Variants in NPHP1 observed in about 807,000 individuals in gnomAD.
NPHP1 encodes nephrocystin-1.
NPHP1 carries 70 observed loss-of-function variants against 90.4 expected under a neutral mutation model. That is an observed-to-expected ratio of 0.77 (90% CI 0.64 to 0.95). NPHP1 has a LOEUF of 0.95. Among genes scored for constraint, NPHP1 ranks in the 40% least tolerant of loss-of-function variants. The pLI is 0.00. For synonymous variants in NPHP1, 256 were observed against 271.7 expected, an observed-to-expected ratio of 0.94 and a Z score of 0.57; for missense variants, 764 against 795.9, an observed-to-expected ratio of 0.96 and a Z score of 0.48.
chr2:110,139,893 G>T (rs1680504483), intron 16 of NPHP1, among the ~76,000 whole-genome samples: 2 of 152,142 alleles, frequency 1.3e-5, no homozygotes, highest in East Asian at 3.9e-4. Flanking sequence ...TTCGGGTCAG[G>T]GGAGGAGAGA....
chr2:110,146,820 C>A lies in NPHP1; in HGVS notation c.1285G>T (p.Gly429Ter). The A allele has an allele frequency of 1.2e-6, 2 of 1,613,120 alleles. No homozygotes were observed. The highest frequency in any genetic ancestry group is 1.7e-6 in the Non-Finnish European group (2 of 1,179,104). The change falls in exon 14 of 20, where the codon GGA becomes TGA. Residue 429 changes from glycine (G) to a stop codon, truncating the protein, a stop_gained. Transcript: ENST00000445609. LOFTEE classifies it high-confidence loss of function. ...AACACCCAGCCACAGCTTAACTCTC[C>A]TCTTTCACCAGTTGACTAGGAAATA... ...SYIRNSTGER[G>*]ELSCGWVFLK...
chr2:110,131,709 G>C lies in NPHP1; in HGVS notation c.1612C>G (p.Leu538Val), dbSNP rs1679790572. Residue 538 changes from leucine (L) to valine (V), a missense_variant, in exon 17 of 20, where the codon CTG becomes GTG. By Grantham distance (32) the Leu-to-Val change is conservative. Coordinates refer to ENST00000445609, the MANE Select transcript of NPHP1 (RefSeq NM_001128178.3). Reference sequence around the variant, plus strand: ...CTTTGCAAGCTCATCCTGTCTTTCAGGAGCACATCTCCAAGAATTTGTCGA... The same window carrying C: ...CTTTGCAAGCTCATCCTGTCTTTCACGAGCACATCTCCAAGAATTTGTCGA... ...FYRQILGDVL[L>V]KDRMSLQSTD... The C allele has an allele frequency of 6.2e-7, 1 of 1,612,880 alleles. No individual in the cohort carries two copies. Among genetic ancestry groups the C allele is most frequent in the East Asian group, 2.2e-5 (1 of 44,848 alleles).
intron 1 of NPHP1, among the ~76,000 whole-genome samples, chr2:110,203,653 G>C (rs940766906): frequency 2.6e-5 from 4 of 151,852 alleles, no homozygotes; most frequent in Admixed American, 1.3e-4. Context: ...ACCGGCCTCA[G>C]ATTATAAAAT....
chr2:110,135,910 G>A (rs916162128), intron 16 of NPHP1, among the ~76,000 whole-genome samples: 1 of 152,140 alleles, frequency 6.6e-6, no homozygotes, highest in African/African-American at 2.4e-5. Flanking sequence ...ACTGTGATGA[G>A]GTGACAGCAA....
chr2:110,142,347 C>A (rs1574081992), intron 16 of NPHP1, among the ~76,000 whole-genome samples: 2 of 144,482 alleles, frequency 1.4e-5, no homozygotes, highest in South Asian at 2.2e-4. Context: ...TACACTTAGA[C>A]TTTTTTTTTT....
chr2:110,151,691 C>T (rs573481552), intron 11 of NPHP1, among the ~76,000 whole-genome samples: 2 of 152,156 alleles, frequency 1.3e-5, no homozygotes, highest in African/African-American at 4.8e-5. Context: ...TATGTTTAAA[C>T]TTTTCCTGAA....
At chr2:110,168,817 G>A (rs531915311) in intron 5 of NPHP1, among the ~76,000 whole-genome samples, 134 of 152,024 alleles carry the variant, frequency 8.8e-4, no homozygotes, top group African/African-American at 3.1e-3. Flanking sequence ...ATGCAAATGG[G>A]AACCATTTTT....
intron 14 of NPHP1, 128 bp downstream of exon 14, chr2:110,146,625 A>T (rs1241605476): frequency 2.7e-6 from 2 of 731,150 alleles, no homozygotes; most frequent in African/African-American, 3.5e-5. Context: ...ACAACACTAA[A>T]GTCAACATAA....
chr2:110,149,670 A>G (rs1045144572), intron 12 of NPHP1, among the ~76,000 whole-genome samples: 2 of 152,204 alleles, frequency 1.3e-5, no homozygotes, highest in Non-Finnish European at 2.9e-5. Flanking sequence ...CCTTGGAGGT[A>G]GACGAAAGTA....
intron 10 of NPHP1, 50 bp from the exon 11 acceptor site, chr2:110,160,305 C>A: frequency 1.4e-6 from 2 of 1,453,000 alleles, no homozygotes; most frequent in Non-Finnish European, 1.9e-6. Flanking sequence ...ATTTCTAACA[C>A]AAATCTGTCT....
chr2:110,168,346 T>A (rs1339892571), intron 6 of NPHP1, 106 bp downstream of exon 6: 14 of 764,584 alleles, frequency 1.8e-5, no homozygotes, highest in Non-Finnish European at 3.2e-5. Flanking sequence ...AAATTCTATA[T>A]CTCAAGTCAT....
intron 3 of NPHP1, chr2:110,178,852 G>A (rs1231624400): frequency 8.3e-6 from 2 of 239,546 alleles, no homozygotes; most frequent in Non-Finnish European, 1.6e-5. Flanking sequence ...TAAAGTCAAT[G>A]AGACAGGCAC....
chr2:110,198,903 C>T (rs770771044), intron 2 of NPHP1, among the ~76,000 whole-genome samples: 24 of 151,594 alleles, frequency 1.6e-4, no homozygotes, highest in Non-Finnish European at 3.2e-4. Flanking sequence ...TAAAGAAAAC[C>T]GGCAACGTGA....
chr2:110,150,053 A>G, intron 12 of NPHP1, 129 bp downstream of exon 12: 2 of 793,922 alleles, frequency 2.5e-6, no homozygotes, highest in Middle Eastern at 2.3e-4. Flanking sequence ...ATTTTTATCA[A>G]TGTCCTCAAA....
intron 19 of NPHP1, 100 bp from the exon 20 acceptor site, chr2:110,124,163 G>C: frequency 3.0e-6 from 4 of 1,313,936 alleles, no homozygotes; most frequent in Non-Finnish European, 4.4e-6. Context: ...AGGATGGAGG[G>C]TGCCATTAGT....
chr2:110,199,990 G>T (rs2104708681), intron 2 of NPHP1, among the ~76,000 whole-genome samples: 1 of 152,304 alleles, frequency 6.6e-6, no homozygotes, highest in East Asian at 1.9e-4. Context: ...GGGCGCGGTG[G>T]CTCACGCCTA....
intron 5 of NPHP1, among the ~76,000 whole-genome samples, chr2:110,169,217 G>A (rs1682935701): frequency 6.6e-6 from 1 of 151,734 alleles, no homozygotes; most frequent in Admixed American, 6.6e-5. Flanking sequence ...ATAATTATTT[G>A]CATAATATTC....
chr2:110,138,548 CCATTTCAG>C (rs1018195933), intron 16 of NPHP1, among the ~76,000 whole-genome samples: 2 of 152,008 alleles, frequency 1.3e-5, no homozygotes, highest in Admixed American at 1.3e-4. Flanking sequence ...ATGCAGGGGA[CCATTTCAG>C]CTGCCTCAGT....
intron 11 of NPHP1, among the ~76,000 whole-genome samples, chr2:110,152,237 T>C (rs530767337): frequency 6.6e-6 from 1 of 152,058 alleles, no homozygotes; most frequent in East Asian, 1.9e-4. Flanking sequence ...GGAGATTGCT[T>C]GAGCTCAGGA....
Sources: allele counts gnomAD v4.1 joint callset (sites outside exome capture counted in the v4.1 genomes callset), GRCh38; gene constraint gnomAD v4.1.1; transcripts MANE v1.5; gene names NCBI Gene and HGNC (gene_info 2026-07-23, HGNC 2026-07-21).